Variants in PCDH15 observed in about 807,000 individuals in gnomAD.
PCDH15 encodes protocadherin related 15.
Under a neutral mutation model 178.5 loss-of-function variants are expected in PCDH15, and 129 were observed. That is an observed-to-expected ratio of 0.72 (90% confidence interval 0.63 to 0.84). PCDH15 has a LOEUF of 0.84. PCDH15 is among the 40% of genes least tolerant of loss of function. The probability of loss-of-function intolerance (pLI) is 0.00; values close to 1 mark genes in which losing one functional copy is unlikely to be tolerated. For synonymous variants in PCDH15, 800 were observed against 732.0 expected (o/e 1.09, Z -1.50); for missense variants, 2,230 against 2,099.9 (o/e 1.06, Z -1.21).
At chr10:53,840,624 C>T in intron 28 of PCDH15, 128 bp from the exon 29 acceptor site, 1 of 875,378 alleles carries the variant, frequency 1.1e-6, no homozygotes, top group Non-Finnish European at 1.8e-6. Context: ...TTAATGTTTA[C>T]TGAATATAAA....
intron 2 of PCDH15, among the ~76,000 whole-genome samples, chr10:55,415,771 G>T (rs1589005345): frequency 6.6e-6 from 1 of 151,608 alleles, no homozygotes; most frequent in South Asian, 2.1e-4. Context: ...GAAATGACTT[G>T]TGTTTGGGAT....
intron 18 of PCDH15, among the ~76,000 whole-genome samples, chr10:54,056,674 C>T (rs1565143299): frequency 6.6e-6 from 1 of 152,128 alleles, no homozygotes; most frequent in African/African-American, 2.4e-5. Flanking sequence ...CATCCCCAGC[C>T]CCTCCCAAAT....
At chr10:54,949,567 T>C (rs1336032846) in intron 2 of PCDH15, among the ~76,000 whole-genome samples, 1 of 151,952 alleles carries the variant, frequency 6.6e-6, no homozygotes, top group Non-Finnish European at 1.5e-5. Context: ...CCTCAAAAAA[T>C]GGGTTTTTCT....
chr10:55,377,312 C>A (rs1837417256), intron 2 of PCDH15, among the ~76,000 whole-genome samples: 1 of 151,764 alleles, frequency 6.6e-6, no homozygotes, highest in Non-Finnish European at 1.5e-5. Context: ...TTATTTTCTA[C>A]CCGACAGTGC....
At chr10:54,627,019 C>T (rs1022988131) in intron 2 of PCDH15, among the ~76,000 whole-genome samples, 1 of 152,190 alleles carries the variant, frequency 6.6e-6, no homozygotes, top group Admixed American at 6.5e-5. Context: ...GGATTTCCAA[C>T]TTACATGGGG....
At chr10:54,171,407 G>A (rs111625918) in intron 13 of PCDH15, among the ~76,000 whole-genome samples, 5 of 152,088 alleles carry the variant, frequency 3.3e-5, no homozygotes, top group African/African-American at 7.2e-5. Context: ...CCATTTGAGC[G>A]GTATAGATGC....
intron 3 of PCDH15, among the ~76,000 whole-genome samples, chr10:54,457,488 G>C (rs142735356): frequency 3.9e-5 from 6 of 152,112 alleles, no homozygotes; most frequent in Admixed American, 2.0e-4. Flanking sequence ...AGAATTTTCT[G>C]CCTCACAGTT....
rs1949687014 is a variant in PCDH15, at chr10:54,776,220, G to A, written c.-29+24705C>T. Among the ~76,000 whole-genome samples, 4 of 152,220 alleles carry A rather than the reference G, an allele frequency of 2.6e-5. No homozygotes were observed. In the South Asian group the frequency reaches 8.3e-4, roughly 32 times the overall value. On this transcript the variant is annotated intron_variant, in intron 1 of 37. Transcript: ENST00000644397. ...CCATACCATGACAATCACGAATAGT[G>A]CTGCAATAAACATTGGGGTACAGAT...
chr10:54,204,458 A>G (rs1215794223), intron 10 of PCDH15, among the ~76,000 whole-genome samples: 1 of 152,046 alleles, frequency 6.6e-6, no homozygotes, highest in Non-Finnish European at 1.5e-5. Context: ...GAGGAGGTGT[A>G]GGAGGCGTAT....
At chr10:54,058,481 TCCCAAGAACAGCATGAGAAAGACCTGC>T (rs2093945813) in intron 18 of PCDH15, among the ~76,000 whole-genome samples, 1 of 152,088 alleles carries the variant, frequency 6.6e-6, no homozygotes, top group Admixed American at 6.6e-5. Context: ...TTACTCACTA[TCCCAAGAACAGCATGAGAAAGACCTGC>T]CCTGATGATT....
Position 53,935,904 on chromosome 10 carries a change from G to T in PCDH15, c.3373+2911C>A, listed in dbSNP as rs572396430. On this transcript the variant is annotated intron_variant, in intron 25 of 37. Transcript: ENST00000644397. ...ATAATGGATTTAGAAAATTACTATT[G>T]GTGGTTGCTACTATCTATATCACAA... Among the ~76,000 whole-genome samples, 3 of 151,560 alleles carry T rather than the reference G, an allele frequency of 2.0e-5. No homozygotes were observed. In the South Asian group the frequency reaches 6.4e-4, roughly 32 times the overall value.
At chr10:53,844,841 A>G (rs1428061472) in intron 28 of PCDH15, among the ~76,000 whole-genome samples, 7 of 151,992 alleles carry the variant, frequency 4.6e-5, no homozygotes, top group Non-Finnish European at 1.0e-4. Flanking sequence ...TAAGACTCCA[A>G]AGAAATATAA....
chr10:54,241,503 T>C (rs1213179417), intron 8 of PCDH15, among the ~76,000 whole-genome samples: 1 of 152,206 alleles, frequency 6.6e-6, no homozygotes, highest in Non-Finnish European at 1.5e-5. Context: ...CTCACAGATT[T>C]CAACAAATTT....
At chr10:54,542,504 T>C (rs1233861782) in intron 2 of PCDH15, among the ~76,000 whole-genome samples, 2 of 152,310 alleles carry the variant, frequency 1.3e-5, no homozygotes, top group African/African-American at 2.4e-5. Flanking sequence ...TGAAAGAAGA[T>C]GATTCTGAAA....
intron 37 of PCDH15, chr10:53,809,298 G>A (rs1366039779): frequency 6.2e-7 from 1 of 1,613,948 alleles, no homozygotes; most frequent in South Asian, 1.1e-5. Flanking sequence ...GGTCCAGAGT[G>A]AGTTTCAAAT....
At chr10:54,029,462 C>A (rs773851088) in intron 18 of PCDH15, among the ~76,000 whole-genome samples, 1 of 152,222 alleles carries the variant, frequency 6.6e-6, no homozygotes, top group East Asian at 1.9e-4. Context: ...TACTATGGGG[C>A]CTGATTTGTG....
chr10:55,617,733 T>C (rs1218061905), intron 2 of PCDH15, among the ~76,000 whole-genome samples: 2 of 152,020 alleles, frequency 1.3e-5, no homozygotes, highest in African/African-American at 4.8e-5. Context: ...AATGATCTTT[T>C]AAATTGGGAA....
chr10:55,438,467 T>C (rs1232505699), intron 2 of PCDH15, among the ~76,000 whole-genome samples: 1 of 152,200 alleles, frequency 6.6e-6, no homozygotes, highest in African/African-American at 2.4e-5. Flanking sequence ...CTTATTAGTC[T>C]GAAGTATAAT....
intron 13 of PCDH15, among the ~76,000 whole-genome samples, chr10:54,165,439 A>G (rs2046121920): frequency 6.6e-6 from 1 of 152,188 alleles, no homozygotes; most frequent in African/African-American, 2.4e-5. Flanking sequence ...TAAAACAACA[A>G]GAAGATGACT....
Sources: allele counts gnomAD v4.1 joint callset (sites outside exome capture counted in the v4.1 genomes callset), GRCh38; gene constraint gnomAD v4.1.1; transcripts MANE v1.5; gene names NCBI Gene and HGNC (gene_info 2026-07-23, HGNC 2026-07-21).